Variants in RBFOX1 observed in about 807,000 individuals in gnomAD.
RBFOX1 encodes the protein RNA binding fox-1 homolog 1, also known as RNA binding protein fox-1 homolog 1.
RBFOX1 carries 8 observed loss-of-function variants against 57.7 expected under a neutral mutation model. That is an observed-to-expected ratio of 0.14 (90% CI 0.08 to 0.25). RBFOX1 has a LOEUF of 0.25. Among genes scored for constraint, RBFOX1 ranks in the 10% least tolerant of loss-of-function variants. The pLI is 1.00. For missense variants in RBFOX1, 611 were observed against 548.5 expected (o/e 1.11, Z -1.14); for synonymous variants, 326 against 222.4 (o/e 1.47, Z -4.15).
chr16:7,152,729 C>G (rs578205716), intron 4 of RBFOX1, among the ~76,000 whole-genome samples: 1 of 152,022 alleles, frequency 6.6e-6, no homozygotes, highest in South Asian at 2.1e-4. Context: ...TATCTTGACT[C>G]CTGGAAAAAT....
chr16:7,167,331 G>T (rs1167698483), intron 4 of RBFOX1, among the ~76,000 whole-genome samples: 2 of 151,952 alleles, frequency 1.3e-5, no homozygotes, highest in Non-Finnish European at 2.9e-5. Context: ...ATCTCTAGGT[G>T]AAATCATCCT....
At chr16:6,487,029 G>T (rs1435956122) in intron 2 of RBFOX1, among the ~76,000 whole-genome samples, 3 of 151,918 alleles carry the variant, frequency 2.0e-5, no homozygotes. Context: ...GGAAACCATC[G>T]CATATTAAAT....
In RBFOX1 at chr16:7,653,931, A is replaced by G; in HGVS notation, c.874A>G (p.Ile292Val). 1 of 1,548,422 alleles carries G rather than the reference A, an allele frequency of 6.5e-7. No individual in the cohort carries two copies. Among genetic ancestry groups the G allele is most frequent in the Non-Finnish European group, 8.7e-7 (1 of 1,154,664 alleles). The change falls in exon 12 of 16, where the codon ATC becomes GTC. Residue 292 changes from isoleucine to valine, a missense_variant. Coordinates refer to ENST00000550418, the MANE Select transcript of RBFOX1 (RefSeq NM_018723.4). ...CAGGGCCGCGGCGCCCCCGCCCCCG[A>G]TCCCGGCCTACGGCGGGTAAGTGGG... is the stretch of plus-strand genomic sequence containing the variant. ...TFRAAAPPPP[I>V]PAYGGVVYQD...
At chr16:6,551,522 T>C (rs901594834) in intron 2 of RBFOX1, among the ~76,000 whole-genome samples, 7 of 152,188 alleles carry the variant, frequency 4.6e-5, no homozygotes, top group Admixed American at 3.9e-4. Flanking sequence ...GCTCATGAAG[T>C]CTGCAGGCTG....
intron 2 of RBFOX1, among the ~76,000 whole-genome samples, chr16:6,525,292 T>C (rs1479824133): frequency 1.3e-5 from 2 of 152,164 alleles, no homozygotes; most frequent in African/African-American, 4.8e-5. Context: ...ATCCTAAACT[T>C]ACTGGGGAGT....
intron 4 of RBFOX1, among the ~76,000 whole-genome samples, chr16:7,086,721 T>TACACACACACACACAGAC (rs1555460281): frequency 8.7e-5 from 13 of 149,474 alleles, no homozygotes; most frequent in African/African-American, 3.0e-4. Flanking sequence ...GAAGAATGTA[T>TACACACACACACACAGAC]ACACACACAC....
chr16:5,375,529 A>C (rs983982113), intron 1 of RBFOX1, among the ~76,000 whole-genome samples: 2 of 152,290 alleles, frequency 1.3e-5, no homozygotes, highest in Middle Eastern at 3.4e-3. Context: ...GAGGACTGCG[A>C]GGTGTGTACA....
chr16:5,303,136 T>C (rs958983992), intron 1 of RBFOX1, among the ~76,000 whole-genome samples: 2 of 152,220 alleles, frequency 1.3e-5, no homozygotes, highest in Non-Finnish European at 1.5e-5. Flanking sequence ...TTATTTATGA[T>C]TCAGGAATAC....
chr16:5,529,902 G>C (rs2044396990), intron 2 of RBFOX1, among the ~76,000 whole-genome samples: 1 of 152,134 alleles, frequency 6.6e-6, no homozygotes, highest in African/African-American at 2.4e-5. Context: ...TTTAGACACA[G>C]GGAGAGAACA....
At chr16:7,276,930 C>G (rs1370614231) in intron 4 of RBFOX1, among the ~76,000 whole-genome samples, 1 of 152,134 alleles carries the variant, frequency 6.6e-6, no homozygotes, top group East Asian at 1.9e-4. Flanking sequence ...TGCGTCCCAG[C>G]AAAGTATCTA....
chr16:6,715,469 G>A (rs759819744), intron 3 of RBFOX1, among the ~76,000 whole-genome samples: 5 of 152,072 alleles, frequency 3.3e-5, no homozygotes, highest in Non-Finnish European at 5.9e-5. Context: ...GTTTATAATT[G>A]GCAAGGAAGG....
chr16:5,477,077 A>G (rs189511587), intron 2 of RBFOX1, among the ~76,000 whole-genome samples: 1,662 of 152,252 alleles, frequency 0.011, 13 homozygotes, highest in Middle Eastern at 0.024. Flanking sequence ...GTGGTGGTAC[A>G]ATGAAGGCTC....
intron 2 of RBFOX1, among the ~76,000 whole-genome samples, chr16:6,479,665 A>C (rs1051942223): frequency 6.6e-6 from 1 of 152,158 alleles, no homozygotes; most frequent in Non-Finnish European, 1.5e-5. Flanking sequence ...AACAGCATGG[A>C]GGAAACTGCC....
chr16:6,946,754 C>T (rs1240401902), intron 3 of RBFOX1, among the ~76,000 whole-genome samples: 1 of 152,076 alleles, frequency 6.6e-6, no homozygotes, highest in Non-Finnish European at 1.5e-5. Flanking sequence ...AGACTCACTC[C>T]ACTCTGCCCA....
chr16:6,764,896 C>T (rs547018133), intron 3 of RBFOX1, among the ~76,000 whole-genome samples: 1 of 152,064 alleles, frequency 6.6e-6, no homozygotes, highest in Admixed American at 6.5e-5. Context: ...GAGATTGTGC[C>T]ACTGCACTCC....
intron 1 of RBFOX1, among the ~76,000 whole-genome samples, chr16:6,163,872 C>G (rs981400798): frequency 6.6e-5 from 10 of 151,960 alleles, no homozygotes. Flanking sequence ...AATAAGAGGT[C>G]CAATTCTTGG....
At chr16:6,223,117 T>C (rs1462651482) in intron 1 of RBFOX1, among the ~76,000 whole-genome samples, 1 of 149,534 alleles carries the variant, frequency 6.7e-6, no homozygotes, top group Non-Finnish European at 1.5e-5. Context: ...ACATTTGGGT[T>C]GGTTCCAAGT....
chr16:6,673,228 C>G (rs564592943), intron 3 of RBFOX1, among the ~76,000 whole-genome samples: 2 of 152,164 alleles, frequency 1.3e-5, no homozygotes, highest in Non-Finnish European at 2.9e-5. Context: ...TGTGTCTTCT[C>G]TATCCACTCT....
chr16:6,146,458 G>C (rs991682176), intron 1 of RBFOX1, among the ~76,000 whole-genome samples: 12 of 152,118 alleles, frequency 7.9e-5, no homozygotes, highest in African/African-American at 2.9e-4. Context: ...TACATTGTAG[G>C]ATGGTTGGCA....
Sources: allele counts gnomAD v4.1 joint callset (sites outside exome capture counted in the v4.1 genomes callset), GRCh38; gene constraint gnomAD v4.1.1; transcripts MANE v1.5; gene names NCBI Gene and HGNC (gene_info 2026-07-23, HGNC 2026-07-21).